The following ADAM9 variants were observed in gnomAD, a reference collection of about 807,000 sequenced individuals.
ADAM9 encodes the protein disintegrin and metalloproteinase domain-containing protein 9.
Under a neutral mutation model 108.1 loss-of-function variants are expected in ADAM9, and 54 were observed. The ratio of observed to expected loss-of-function variants is 0.50; its 90% CI spans 0.40 to 0.63. The LOEUF (loss-of-function observed/expected upper bound fraction) is 0.63, where lower values mean the gene tolerates loss of function less well. Ranked by LOEUF, ADAM9 falls within the 20% of genes least tolerant of loss-of-function variation. The pLI is 0.00. For synonymous variants in ADAM9, 316 were observed against 336.0 expected (o/e 0.94, Z 0.65); for missense variants, 830 against 997.7 (o/e 0.83, Z 2.26).
chr8:39,059,498 T>G (rs1301265784), intron 14 of ADAM9, among the ~76,000 whole-genome samples: 1 of 152,196 alleles, frequency 6.6e-6, no homozygotes, highest in African/African-American at 2.4e-5. Flanking sequence ...CCACTGTGAG[T>G]ACGTGGTTCC....
intron 19 of ADAM9, among the ~76,000 whole-genome samples, 166 bp from the exon 20 acceptor site, chr8:39,091,093 C>T (rs918270824): frequency 2.0e-5 from 3 of 152,244 alleles, no homozygotes; most frequent in Non-Finnish European, 4.4e-5. Flanking sequence ...ATTAAAAATA[C>T]GTGAAAGCTG....
intron 16 of ADAM9, among the ~76,000 whole-genome samples, chr8:39,080,332 G>T (rs1221482126): frequency 2.6e-5 from 4 of 152,090 alleles, no homozygotes; most frequent in African/African-American, 9.7e-5. Context: ...TAGATTCCAG[G>T]TTGTTATTAA....
At chr8:39,054,815 G>C (rs1838067651) in intron 13 of ADAM9, among the ~76,000 whole-genome samples, 1 of 152,010 alleles carries the variant, frequency 6.6e-6, no homozygotes, top group Non-Finnish European at 1.5e-5. Flanking sequence ...ACATATGCCT[G>C]TTAGAAATAA....
At chr8:39,011,597 A>G in intron 2 of ADAM9, 61 bp from the exon 3 acceptor site, 2 of 1,436,336 alleles carry the variant, frequency 1.4e-6, no homozygotes, top group Non-Finnish European at 9.8e-7. Context: ...TATAAATGAG[A>G]TGTTGTTGAA....
chr8:39,091,186 G>T (rs1010962315), intron 19 of ADAM9, 73 bp from the exon 20 acceptor site: 20 of 1,404,218 alleles, frequency 1.4e-5, no homozygotes, highest in Non-Finnish European at 2.0e-5. Flanking sequence ...TTGGGAAAAT[G>T]CAAAATGTGT....
rs545901646 is a variant in ADAM9 at position 39,074,388 on chromosome 8, A to G, written c.1698-2840A>G. On this transcript the variant is annotated intron_variant, in intron 15 of 21. Coordinates refer to ENST00000487273, the MANE Select transcript of ADAM9 (RefSeq NM_003816.3). The stretch of plus-strand genomic sequence containing the variant: ...AAATTCCAAATATACAGAGGAGTAG[A>G]AAGAATAGTGTGATGAACACCAATA... Among the ~76,000 whole-genome samples the G allele has an allele frequency of 8.5e-5, 13 of 152,300 alleles. 1 individual carries two copies. The South Asian group carries it at 2.1e-3, about 24-fold the overall frequency.
Position 39,096,360 on chromosome 8 carries a change from A to T in ADAM9, c.2298+5014A>T, listed in dbSNP as rs572228681. ...AGCACATATATTGTGATATCTTTGC[A>T]ATTACATAAAATATTTTATAAATTT... is the stretch of plus-strand genomic sequence containing the variant. On this transcript the variant is annotated intron_variant, in intron 20 of 21. Transcript: ENST00000487273. 3.3e-5 allele frequency among the ~76,000 whole-genome samples: 5 copies of T among 152,196 alleles called. 1 individual carries two copies. The South Asian group carries it at 1.0e-3, about 32-fold the overall frequency.
At position 38,996,983 on chromosome 8, in the gene ADAM9, C is replaced by A. The variant is rs749773106; in HGVS notation, c.-81C>A. 7 of 1,536,588 alleles carry A rather than the reference C, an allele frequency of 4.6e-6. No individual in the cohort carries two copies. Among genetic ancestry groups the A allele is most frequent in the African/African-American group, 1.4e-5 (1 of 73,296 alleles). ...GCGCGCTTCCCGGCCAGACTTGGGGCCCCGGCAGGGTTGGAAAATGATGGA... is the reference window on the plus strand; with the variant it reads ...GCGCGCTTCCCGGCCAGACTTGGGGACCCGGCAGGGTTGGAAAATGATGGA... On this transcript the variant is annotated 5_prime_UTR_variant, in exon 1 of 22. Transcript: ENST00000487273.
chr8:39,003,527 A>G (rs1015533789), intron 1 of ADAM9, among the ~76,000 whole-genome samples: 2 of 151,334 alleles, frequency 1.3e-5, no homozygotes, highest in African/African-American at 4.8e-5. Context: ...GGGAAAATCT[A>G]TGCAGGATAT....
Position 39,045,414 on chromosome 8 carries a change from G to A in ADAM9, c.1302+3297G>A, listed in dbSNP as rs1475833266. Among the ~76,000 whole-genome samples the A allele has an allele frequency of 1.1e-4, 14 of 132,200 alleles. 6 individuals carry two copies. The highest frequency in any genetic ancestry group is 4.6e-4 in the East Asian group (2 of 4,378). 86.7% of individuals were successfully genotyped at this position (132,200 alleles called of 152,430 possible). A position where few individuals can be genotyped will look rare whatever the true frequency, so the allele number is the denominator to read the frequency against. Reference sequence around the variant, plus strand: ...TGTGTACACACACCTATATGTGCGCGTGTGTACACACACCTATATGTGCGC... The same window carrying A: ...TGTGTACACACACCTATATGTGCGCATGTGTACACACACCTATATGTGCGC... On this transcript the variant is annotated intron_variant, in intron 12 of 21. Transcript: ENST00000487273.
intron 16 of ADAM9, among the ~76,000 whole-genome samples, chr8:39,079,791 G>A (rs1315351385): frequency 6.6e-6 from 1 of 152,074 alleles, no homozygotes; most frequent in Non-Finnish European, 1.5e-5. Context: ...CGCCATATTG[G>A]CCAGACTGGT....
At chr8:39,020,792 C>A (rs895596384) in intron 7 of ADAM9, among the ~76,000 whole-genome samples, 4 of 152,032 alleles carry the variant, frequency 2.6e-5, no homozygotes, top group Non-Finnish European at 1.5e-5. Flanking sequence ...AAATCTTCTT[C>A]CACTATGTGG....
At chr8:39,070,526 CAT>C (rs1263634493) in intron 14 of ADAM9, among the ~76,000 whole-genome samples, 1 of 152,026 alleles carries the variant, frequency 6.6e-6, no homozygotes, top group Non-Finnish European at 1.5e-5. Context: ...AGCCACAAAA[CAT>C]ATTTTTATTA....
intron 8 of ADAM9, among the ~76,000 whole-genome samples, chr8:39,022,346 A>T (rs561318542): frequency 5.9e-5 from 9 of 152,266 alleles, no homozygotes; most frequent in South Asian, 2.1e-4. Context: ...CTATGAAATT[A>T]TGAGTTCCAC....
intron 11 of ADAM9, among the ~76,000 whole-genome samples, chr8:39,027,663 A>G (rs894589083): frequency 3.9e-5 from 6 of 152,198 alleles, no homozygotes; most frequent in African/African-American, 1.4e-4. Flanking sequence ...ATTCGTTGTA[A>G]TGCCAACGAG....
chr8:39,037,273 T>C (rs1181661556), intron 11 of ADAM9, among the ~76,000 whole-genome samples: 1 of 149,016 alleles, frequency 6.7e-6, no homozygotes, highest in Admixed American at 6.7e-5. Flanking sequence ...GTGGTCTCGA[T>C]CTCCTGACCT....
At chr8:39,082,096 A>T (rs1839042593) in intron 16 of ADAM9, among the ~76,000 whole-genome samples, 1 of 152,144 alleles carries the variant, frequency 6.6e-6, no homozygotes, top group African/African-American at 2.4e-5. Flanking sequence ...TATTTTCAAC[A>T]GTGCTTTTAA....
intron 15 of ADAM9, among the ~76,000 whole-genome samples, chr8:39,072,046 T>A (rs1478814321): frequency 6.6e-6 from 1 of 152,224 alleles, no homozygotes; most frequent in Non-Finnish European, 1.5e-5. Context: ...TAAAGGTACC[T>A]GCAGAAGAAA....
At chr8:39,057,029 ATATGTTTAGATACCTTTTC>A (rs1403082163) in intron 14 of ADAM9, among the ~76,000 whole-genome samples, 2 of 152,092 alleles carry the variant, frequency 1.3e-5, no homozygotes, top group Non-Finnish European at 2.9e-5. Flanking sequence ...CTATGTTTAG[ATATGTTTAGATACCTTTTC>A]TATGTTTAGA....
Sources: allele counts gnomAD v4.1 joint callset (sites outside exome capture counted in the v4.1 genomes callset), GRCh38; gene constraint gnomAD v4.1.1; transcripts MANE v1.5; gene names NCBI Gene and HGNC (gene_info 2026-07-23, HGNC 2026-07-21).